Variants in GPM6A observed in about 807,000 individuals in gnomAD.
GPM6A encodes glycoprotein M6A.
GPM6A carries 7 observed loss-of-function variants against 32.1 expected under a neutral mutation model. The ratio of observed to expected loss-of-function variants is 0.22; its 90% CI spans 0.12 to 0.41. The LOEUF is 0.41. Ranked by LOEUF, GPM6A falls within the 10% of genes least tolerant of loss-of-function variation. The pLI, the probability that GPM6A is intolerant of heterozygous loss-of-function variation, is 1.00. For missense variants in GPM6A, 235 were observed against 347.2 expected (o/e 0.68, Z 2.57); for synonymous variants, 130 against 123.4 (o/e 1.05, Z -0.35).
intron 1 of GPM6A, among the ~76,000 whole-genome samples, chr4:175,714,671 G>C (rs536111839): frequency 1.3e-5 from 2 of 152,064 alleles, no homozygotes; most frequent in Non-Finnish European, 2.9e-5. Flanking sequence ...GTACATGAAA[G>C]CCTATTTATT....
At chr4:175,731,847 G>A (rs1045842782) in intron 1 of GPM6A, among the ~76,000 whole-genome samples, 3 of 152,000 alleles carry the variant, frequency 2.0e-5, no homozygotes, top group Non-Finnish European at 4.4e-5. Flanking sequence ...TAGCCTTGCC[G>A]CTCCTCATGC....
chr4:175,993,370 ACT>A (rs775454361), intron 1 of GPM6A, among the ~76,000 whole-genome samples: 7 of 148,494 alleles, frequency 4.7e-5, no homozygotes, highest in Non-Finnish European at 9.0e-5. Flanking sequence ...ACTTCTTAAA[ACT>A]CTTTTTTTTT....
intron 1 of GPM6A, among the ~76,000 whole-genome samples, chr4:175,879,737 C>A (rs1379223457): frequency 6.6e-6 from 1 of 152,076 alleles, no homozygotes; most frequent in African/African-American, 2.4e-5. Context: ...GGCCTTCTTC[C>A]CTCCACTAAT....
chr4:175,642,863 A>T (rs1370551699), intron 4 of GPM6A, among the ~76,000 whole-genome samples: 1 of 152,006 alleles, frequency 6.6e-6, no homozygotes, highest in African/African-American at 2.4e-5. Context: ...TCATCTGACC[A>T]TTCTATTTGG....
chr4:175,991,191 A>G (rs1361732183), intron 1 of GPM6A, among the ~76,000 whole-genome samples: 5 of 149,260 alleles, frequency 3.3e-5, no homozygotes, highest in African/African-American at 9.9e-5. Flanking sequence ...TCAGCCTCCC[A>G]AGTAGCTGGG....
At chr4:175,878,928 C>A (rs1162893645) in intron 1 of GPM6A, among the ~76,000 whole-genome samples, 2 of 152,184 alleles carry the variant, frequency 1.3e-5, no homozygotes, top group African/African-American at 4.8e-5. Context: ...TTTAACAGCA[C>A]CCAAGTCACC....
chr4:175,921,327 A>C (rs1189887442), intron 1 of GPM6A, among the ~76,000 whole-genome samples: 3 of 152,218 alleles, frequency 2.0e-5, no homozygotes, highest in Non-Finnish European at 4.4e-5. Flanking sequence ...AAATTCACTT[A>C]AATGTCAAAT....
intron 3 of GPM6A, among the ~76,000 whole-genome samples, chr4:175,669,579 C>A (rs552600046): frequency 1.4e-3 from 214 of 152,202 alleles, no homozygotes; most frequent in African/African-American, 4.7e-3. Flanking sequence ...GGATATTCAA[C>A]CTTTTATGTT....
At chr4:175,908,063 C>G (rs1352893316) in intron 1 of GPM6A, among the ~76,000 whole-genome samples, 1 of 152,088 alleles carries the variant, frequency 6.6e-6, no homozygotes, top group African/African-American at 2.4e-5. Flanking sequence ...CAGAGAAAAA[C>G]AGTAAATGTA....
chr4:175,804,742 T>C (rs550469988), intron 1 of GPM6A, among the ~76,000 whole-genome samples: 1 of 152,238 alleles, frequency 6.6e-6, no homozygotes, highest in South Asian at 2.1e-4. Context: ...TGATATGGTA[T>C]AGGCTGTTAA....
intron 2 of GPM6A, among the ~76,000 whole-genome samples, chr4:175,679,384 G>A (rs1169227253): frequency 1.3e-5 from 2 of 152,018 alleles, no homozygotes; most frequent in African/African-American, 4.8e-5. Context: ...AAGCCCTTCT[G>A]CCTCTCAGTA....
At chr4:175,660,648 T>A (rs1297543625) in intron 3 of GPM6A, among the ~76,000 whole-genome samples, 2 of 152,158 alleles carry the variant, frequency 1.3e-5, no homozygotes, top group Non-Finnish European at 2.9e-5. Context: ...AAAGAAAGTG[T>A]TGCTATTACT....
intron 1 of GPM6A, among the ~76,000 whole-genome samples, chr4:175,862,023 A>T (rs970217183): frequency 1.3e-5 from 2 of 152,234 alleles, no homozygotes; most frequent in African/African-American, 4.8e-5. Flanking sequence ...CATAGCGTGT[A>T]CATTAATTCA....
At chr4:175,940,955 A>G (rs1291179715) in intron 1 of GPM6A, among the ~76,000 whole-genome samples, 1 of 152,260 alleles carries the variant, frequency 6.6e-6, no homozygotes, top group Non-Finnish European at 1.5e-5. Flanking sequence ...ATACTGAAAT[A>G]GGAGCTAAAA....
At chr4:175,638,601 T>A (rs1740953065) in intron 6 of GPM6A, among the ~76,000 whole-genome samples, 1 of 152,156 alleles carries the variant, frequency 6.6e-6, no homozygotes, top group Admixed American at 6.6e-5. Context: ...TTAAATAACA[T>A]TTGTCTAAAT....
intron 1 of GPM6A, among the ~76,000 whole-genome samples, chr4:175,722,746 TA>T (rs1746206243): frequency 6.6e-6 from 1 of 152,134 alleles, no homozygotes; most frequent in African/African-American, 2.4e-5. Context: ...GCAATATGTT[TA>T]AAAATTCTTT....
chr4:175,669,331 A>G (rs1411929983), intron 3 of GPM6A, among the ~76,000 whole-genome samples: 1 of 152,210 alleles, frequency 6.6e-6, no homozygotes, highest in African/African-American at 2.4e-5. Context: ...GATGTTTTAA[A>G]CTAAACAAAT....
intron 6 of GPM6A, among the ~76,000 whole-genome samples, chr4:175,637,878 T>A (rs1045228288): frequency 1.1e-4 from 13 of 118,254 alleles, no homozygotes; most frequent in Non-Finnish European, 2.1e-4. Context: ...TATATAATAT[T>A]TATATATTAT....
chr4:175,752,598 A>C (rs1256187756), intron 1 of GPM6A, among the ~76,000 whole-genome samples: 1 of 152,134 alleles, frequency 6.6e-6, no homozygotes, highest in Non-Finnish European at 1.5e-5. Flanking sequence ...ATATTTCCAG[A>C]GTTTGAAGGT....
Sources: allele counts gnomAD v4.1 joint callset (sites outside exome capture counted in the v4.1 genomes callset), GRCh38; gene constraint gnomAD v4.1.1; transcripts MANE v1.5; gene names NCBI Gene and HGNC (gene_info 2026-07-23, HGNC 2026-07-21).